The following KHDRBS2 variants were observed in gnomAD, a reference collection of about 807,000 sequenced individuals.
KHDRBS2 encodes the protein KH domain-containing, RNA-binding, signal transduction-associated protein 2.
Under a neutral mutation model 44.3 loss-of-function variants are expected in KHDRBS2, and 26 were observed. The ratio of observed to expected loss-of-function variants is 0.59; its 90% CI spans 0.43 to 0.81. The LOEUF (loss-of-function observed/expected upper bound fraction) is 0.81, where lower values mean the gene tolerates loss of function less well. Among genes scored for constraint, KHDRBS2 ranks in the 40% least tolerant of loss-of-function variants. KHDRBS2 has a pLI of 0.00. For synonymous variants in KHDRBS2, 194 were observed against 151.1 expected (o/e 1.28, Z -2.08); for missense variants, 476 against 433.1 (o/e 1.10, Z -0.88).
At chr6:62,131,735 T>A (rs1288538455) in intron 2 of KHDRBS2, among the ~76,000 whole-genome samples, 1 of 152,192 alleles carries the variant, frequency 6.6e-6, no homozygotes, top group African/African-American at 2.4e-5. Flanking sequence ...ATGCAACACA[T>A]GTATATCAGT....
intron 3 of KHDRBS2, among the ~76,000 whole-genome samples, chr6:62,044,159 T>G (rs1182678655): frequency 1.3e-5 from 2 of 152,032 alleles, no homozygotes; most frequent in East Asian, 3.9e-4. Flanking sequence ...GTATGTCTTA[T>G]GTCCAGCCTC....
At chr6:61,916,500 T>C (rs945041262) in intron 4 of KHDRBS2, among the ~76,000 whole-genome samples, 1 of 151,980 alleles carries the variant, frequency 6.6e-6, no homozygotes, top group Non-Finnish European at 1.5e-5. Flanking sequence ...ATATTTATCA[T>C]TGCTATCAAT....
intron 4 of KHDRBS2, among the ~76,000 whole-genome samples, chr6:61,906,535 C>A (rs1490121776): frequency 6.6e-6 from 1 of 152,078 alleles, no homozygotes; most frequent in Non-Finnish European, 1.5e-5. Flanking sequence ...ACCATCCCAA[C>A]TTCCCCCCCT....
At chr6:61,702,897 G>T (rs1486601697) in intron 7 of KHDRBS2, among the ~76,000 whole-genome samples, 1 of 151,780 alleles carries the variant, frequency 6.6e-6, no homozygotes, top group Non-Finnish European at 1.5e-5. Flanking sequence ...CTAATAATTA[G>T]ATATATTTTG....
intron 2 of KHDRBS2, among the ~76,000 whole-genome samples, chr6:62,086,550 C>G (rs1798415661): frequency 6.6e-6 from 1 of 152,038 alleles, no homozygotes. Context: ...ACAAACTGAG[C>G]AACTGGATAG....
At chr6:62,099,214 A>G (rs1216432110) in intron 2 of KHDRBS2, among the ~76,000 whole-genome samples, 1 of 152,108 alleles carries the variant, frequency 6.6e-6, no homozygotes, top group Non-Finnish European at 1.5e-5. Context: ...GTATATAATG[A>G]TGTCTGCACA....
intron 6 of KHDRBS2, among the ~76,000 whole-genome samples, chr6:61,801,549 A>G (rs190264300): frequency 6.6e-6 from 1 of 152,312 alleles, no homozygotes; most frequent in East Asian, 1.9e-4. Flanking sequence ...ACTGATGAAT[A>G]GCTCATTTGT....
intron 1 of KHDRBS2, among the ~76,000 whole-genome samples, chr6:62,179,096 C>T (rs1821733158): frequency 6.6e-6 from 1 of 151,510 alleles, no homozygotes; most frequent in South Asian, 2.1e-4. Flanking sequence ...ATTCCTAAAA[C>T]ATTTCAATTA....
intron 2 of KHDRBS2, among the ~76,000 whole-genome samples, chr6:62,057,294 G>A (rs2127321260): frequency 6.6e-6 from 1 of 151,882 alleles, no homozygotes; most frequent in African/African-American, 2.4e-5. Context: ...CTCTGGAAAG[G>A]CTCAGAAGGC....
At chr6:62,070,193 G>T (rs1414372661) in intron 2 of KHDRBS2, among the ~76,000 whole-genome samples, 1 of 151,616 alleles carries the variant, frequency 6.6e-6, no homozygotes, top group Non-Finnish European at 1.5e-5. Context: ...ATAGGTGCTG[G>T]ATTTGGTTTG....
At chr6:61,821,165 AC>A (rs1021149734) in intron 6 of KHDRBS2, among the ~76,000 whole-genome samples, 1 of 151,982 alleles carries the variant, frequency 6.6e-6, no homozygotes, top group Admixed American at 6.6e-5. Context: ...GAACCTGAAT[AC>A]TTGACTTTCA....
At chr6:61,613,085 C>T in the KHDRBS2 span, among the ~76,000 whole-genome samples, 4 of 152,140 alleles carry the variant, frequency 2.6e-5, no homozygotes, top group Non-Finnish European at 5.9e-5. Context: ...ATCTCCTGAC[C>T]TTGTGATCCT....
chr6:61,678,655 C>T (rs1486770830), downstream of KHDRBS2, among the ~76,000 whole-genome samples: 3 of 151,908 alleles, frequency 2.0e-5, no homozygotes, highest in Admixed American at 6.6e-5. Context: ...TCACAATTCA[C>T]TTGACAAGCT....
chr6:62,039,849 T>G (rs191077658), intron 3 of KHDRBS2, among the ~76,000 whole-genome samples: 1 of 152,234 alleles, frequency 6.6e-6, no homozygotes, highest in African/African-American at 2.4e-5. Context: ...GCATCCCTAG[T>G]AAAATGCTAG....
At chr6:61,723,259 G>C (rs1772993159) in intron 7 of KHDRBS2, among the ~76,000 whole-genome samples, 1 of 152,096 alleles carries the variant, frequency 6.6e-6, no homozygotes, top group African/African-American at 2.4e-5. Context: ...ATCAAAGGTA[G>C]ATAAGGCCAC....
the KHDRBS2 span, among the ~76,000 whole-genome samples, chr6:61,617,637 A>AC: frequency 6.6e-6 from 1 of 151,872 alleles, no homozygotes; most frequent in Non-Finnish European, 1.5e-5. Flanking sequence ...AAAAAGACTG[A>AC]TTTTTTTTAT....
At chr6:61,607,983 C>A in the KHDRBS2 span, among the ~76,000 whole-genome samples, 1 of 152,084 alleles carries the variant, frequency 6.6e-6, no homozygotes, top group Non-Finnish European at 1.5e-5. Flanking sequence ...ACACCATGCC[C>A]GGCCTAGAAA....
At chr6:61,633,410 A>G in the KHDRBS2 span, among the ~76,000 whole-genome samples, 1 of 152,100 alleles carries the variant, frequency 6.6e-6, no homozygotes, top group African/African-American at 2.4e-5. Context: ...CAATTTACAG[A>G]TGCCACATGT....
intron 6 of KHDRBS2, among the ~76,000 whole-genome samples, chr6:61,822,961 T>G (rs114336779): frequency 3.3e-4 from 50 of 152,174 alleles, no homozygotes; most frequent in Middle Eastern, 6.8e-3. Flanking sequence ...GTTGGTCATC[T>G]CCATAAGGAC....
Sources: gnomAD v4.1 joint callset for allele counts (sites outside exome capture counted in the v4.1 genomes callset) on GRCh38, gnomAD v4.1.1 for gene constraint, MANE v1.5 for transcripts, NCBI Gene and HGNC (gene_info 2026-07-23, HGNC 2026-07-21) for gene names.